Variants in LIN52 observed in about 807,000 individuals in gnomAD.
LIN52 encodes the protein protein lin-52 homolog.
In LIN52, 4 loss-of-function variants were observed where a neutral mutation model predicts 18.5. The ratio of observed to expected loss-of-function variants is 0.22; its 90% CI spans 0.11 to 0.49. LIN52 has a LOEUF of 0.49. LIN52 is among the 20% of genes least tolerant of loss of function. The pLI, the probability that LIN52 is intolerant of heterozygous loss-of-function variation, is 0.97. For synonymous variants in LIN52, 34 were observed against 45.5 expected, an observed-to-expected ratio of 0.75 and a Z score of 1.02; for missense variants, 102 against 139.5, an observed-to-expected ratio of 0.73 and a Z score of 1.35.
In LIN52 at chr14:74,104,655, G is replaced by C. The variant is rs181421806; in HGVS notation, c.283+3417G>C. On this transcript the variant is annotated intron_variant, in intron 5 of 5. Coordinates refer to ENST00000555028, the MANE Select transcript of LIN52 (RefSeq NM_001024674.3). Reference sequence around the variant, plus strand: ...GGTGTTGGGTACATTATGTGTGCTGGTCTTTCTTTTTGTGATACTAAGATT... The same window carrying C: ...GGTGTTGGGTACATTATGTGTGCTGCTCTTTCTTTTTGTGATACTAAGATT... Among the ~76,000 whole-genome samples the C allele has an allele frequency of 2.1e-3, 323 of 150,422 alleles. 1 individual carries two copies. The highest frequency in any genetic ancestry group is 3.0e-3 in the Non-Finnish European group (204 of 67,784).
chr14:74,142,192 A>C (rs1371079137), intron 5 of LIN52, among the ~76,000 whole-genome samples: 1 of 152,208 alleles, frequency 6.6e-6, no homozygotes, highest in Non-Finnish European at 1.5e-5. Flanking sequence ...GGAGCATTGC[A>C]AGTCTTTTTT....
intron 5 of LIN52, among the ~76,000 whole-genome samples, chr14:74,164,380 G>C (rs1321740726): frequency 6.6e-6 from 1 of 151,928 alleles, no homozygotes; most frequent in East Asian, 1.9e-4. Flanking sequence ...TGTCTCCTGG[G>C]TTCAAGGGAT....
chr14:74,161,238 G>GTGCATGGGCATGT (rs2061223276), intron 5 of LIN52, among the ~76,000 whole-genome samples: 4 of 152,126 alleles, frequency 2.6e-5, no homozygotes, highest in Admixed American at 2.6e-4. Context: ...CCATGCTGGA[G>GTGCATGGGCATGT]TGCAGTGCAT....
At chr14:74,128,868 C>T (rs1389086509) in intron 5 of LIN52, among the ~76,000 whole-genome samples, 3 of 152,012 alleles carry the variant, frequency 2.0e-5, no homozygotes, top group Admixed American at 2.0e-4. Flanking sequence ...CTTGAGCCTG[C>T]GAGACTGAGG....
At chr14:74,089,593 C>T (rs1320628040) in intron 1 of LIN52, among the ~76,000 whole-genome samples, 3 of 151,990 alleles carry the variant, frequency 2.0e-5, no homozygotes, top group South Asian at 2.1e-4. Flanking sequence ...GTCTCAAACT[C>T]GTGAGCTCAA....
At chr14:74,095,789 C>T in intron 2 of LIN52, 159 bp from the exon 3 acceptor site, 1 of 480,572 alleles carries the variant, frequency 2.1e-6, no homozygotes, top group Non-Finnish European at 3.6e-6. Context: ...GTCCTGGCAT[C>T]TTTCTTTGAG....
intron 5 of LIN52, among the ~76,000 whole-genome samples, chr14:74,150,666 T>A (rs1468104515): frequency 1.3e-5 from 2 of 152,144 alleles, no homozygotes; most frequent in Admixed American, 1.3e-4. Context: ...TTTTTTAAAT[T>A]AACTAAAAAA....
chr14:74,172,560 A>G (rs980879685), intron 5 of LIN52, among the ~76,000 whole-genome samples: 1 of 152,224 alleles, frequency 6.6e-6, no homozygotes, highest in Non-Finnish European at 1.5e-5. Flanking sequence ...TCAATGTGTA[A>G]TAAACAGATT....
intron 5 of LIN52, among the ~76,000 whole-genome samples, chr14:74,119,160 C>CTTTTTT (rs543503099): frequency 7.8e-5 from 9 of 115,444 alleles, no homozygotes; most frequent in East Asian, 5.1e-4. Flanking sequence ...GATTTTCTTT[C>CTTTTTT]TTTTTTTTTT....
chr14:74,117,658 T>C (rs971982906), intron 5 of LIN52, among the ~76,000 whole-genome samples: 1 of 152,200 alleles, frequency 6.6e-6, no homozygotes, highest in African/African-American at 2.4e-5. Flanking sequence ...TTTTAGTTAT[T>C]GATGTTCTAG....
intron 3 of LIN52, 68 bp from the exon 4 acceptor site, chr14:74,097,723 ACTT>A: frequency 1.7e-6 from 2 of 1,175,704 alleles, no homozygotes; most frequent in South Asian, 1.3e-5. Context: ...CCCAGGCTAC[ACTT>A]CTTATAAGAA....
chr14:74,201,235 A>C lies in LIN52; in HGVS notation c.*2258A>C, dbSNP rs2078947488. 1 of 152,146 alleles carries C rather than the reference A, an allele frequency of 6.6e-6. No homozygotes were observed. The highest frequency in any genetic ancestry group is 1.5e-5 in the Non-Finnish European group (1 of 68,018). 9.4% of individuals were successfully genotyped at this position (152,146 alleles called of 1,614,324 possible). A position where few individuals can be genotyped will look rare whatever the true frequency, so the allele number is the denominator to read the frequency against. ...TTCATAATAAATATGTCCCTTTTAC[A>C]GGAGGGTGAGTTTTTCCTCAGAGGG... On this transcript the variant is annotated 3_prime_UTR_variant, in exon 6 of 6. Coordinates refer to ENST00000555028, the MANE Select transcript of LIN52 (RefSeq NM_001024674.3).
At chr14:74,140,362 AAG>A (rs1463018964) in intron 5 of LIN52, among the ~76,000 whole-genome samples, 1 of 152,162 alleles carries the variant, frequency 6.6e-6, no homozygotes, top group African/African-American at 2.4e-5. Flanking sequence ...CTGTCTTGGA[AAG>A]AGTCTGTTTA....
intron 5 of LIN52, among the ~76,000 whole-genome samples, chr14:74,162,297 G>A (rs2061228872): frequency 6.6e-6 from 1 of 151,882 alleles, no homozygotes; most frequent in African/African-American, 2.4e-5. Flanking sequence ...CCAATATGGT[G>A]AAATCTCGTC....
At chr14:74,112,143 G>A (rs954104176) in intron 5 of LIN52, among the ~76,000 whole-genome samples, 34 of 152,140 alleles carry the variant, frequency 2.2e-4, no homozygotes, top group Admixed American at 1.4e-3. Context: ...GCCTCCCAAA[G>A]TTCTGGGATT....
intron 5 of LIN52, among the ~76,000 whole-genome samples, chr14:74,104,165 A>G (rs2060881999): frequency 6.6e-6 from 1 of 152,050 alleles, no homozygotes. Context: ...CCAAAGTGCC[A>G]GGATTACAGG....
intron 1 of LIN52, among the ~76,000 whole-genome samples, chr14:74,089,027 A>C (rs2060753850): frequency 6.6e-6 from 1 of 152,176 alleles, no homozygotes; most frequent in Non-Finnish European, 1.5e-5. Context: ...ATTGACGTTT[A>C]AAAAAATCAA....
intron 5 of LIN52, among the ~76,000 whole-genome samples, chr14:74,152,976 A>C (rs1367937665): frequency 6.6e-6 from 1 of 151,586 alleles, no homozygotes; most frequent in Non-Finnish European, 1.5e-5. Context: ...AAAAAAAAAA[A>C]AAAAAAGCCA....
At chr14:74,086,237 G>A (rs1293463012) in intron 1 of LIN52, among the ~76,000 whole-genome samples, 1 of 152,172 alleles carries the variant, frequency 6.6e-6, no homozygotes, top group Non-Finnish European at 1.5e-5. Flanking sequence ...CTGACGAACA[G>A]TAGGTCTTTA....
Sources: gnomAD v4.1 joint callset for allele counts (sites outside exome capture counted in the v4.1 genomes callset) on GRCh38, gnomAD v4.1.1 for gene constraint, MANE v1.5 for transcripts, NCBI Gene and HGNC (gene_info 2026-07-23, HGNC 2026-07-21) for gene names.